OTOGL: variants seen among roughly 807,000 people sequenced by gnomAD.
OTOGL encodes otogelin like, also known as otogelin-like protein.
Under a neutral mutation model 318.5 loss-of-function variants are expected in OTOGL, and 285 were observed. The observed-to-expected ratio is 0.89, with a 90% CI of 0.81 to 0.99. The LOEUF (loss-of-function observed/expected upper bound fraction) is 0.99. OTOGL is among the 50% of genes least tolerant of loss of function. The probability of loss-of-function intolerance (pLI) is 0.00; values close to 1 mark genes in which losing one functional copy is unlikely to be tolerated. For synonymous variants in OTOGL, 987 were observed against 936.5 expected (o/e 1.05, Z -0.99); for missense variants, 2,899 against 2,845.6 (o/e 1.02, Z -0.43).
chr12:80,295,115 C>A (rs368711804), intron 26 of OTOGL, among the ~76,000 whole-genome samples: 110 of 149,440 alleles, frequency 7.4e-4, no homozygotes, highest in Admixed American at 1.3e-3. Flanking sequence ...AACAACAACA[C>A]CACCACCAAA....
chr12:80,175,582 G>C (rs1874474713), intron 1 of OTOGL, among the ~76,000 whole-genome samples: 1 of 152,112 alleles, frequency 6.6e-6, no homozygotes, highest in South Asian at 2.1e-4. Context: ...CTTTTATCTA[G>C]GAAAGCAAAT....
intron 7 of OTOGL, among the ~76,000 whole-genome samples, chr12:80,222,983 C>A (rs975722672): frequency 1.4e-5 from 2 of 147,468 alleles, no homozygotes; most frequent in African/African-American, 2.6e-5. Context: ...AGTCCACTAT[C>A]CCCTGAGCAG....
intron 1 of OTOGL, among the ~76,000 whole-genome samples, chr12:80,162,298 C>A (rs1246720136): frequency 2.0e-5 from 3 of 152,116 alleles, no homozygotes; most frequent in Non-Finnish European, 4.4e-5. Context: ...GAAACAGATG[C>A]ACTTCTCTAA....
intron 29 of OTOGL, among the ~76,000 whole-genome samples, chr12:80,306,742 C>T (rs2137757378): frequency 6.7e-6 from 1 of 149,964 alleles, no homozygotes; most frequent in African/African-American, 2.4e-5. Context: ...ACATTCTTCT[C>T]TCTGCAAATG....
intron 1 of OTOGL, among the ~76,000 whole-genome samples, chr12:80,128,829 C>T (rs568045734): frequency 1.3e-5 from 2 of 152,198 alleles, no homozygotes. Flanking sequence ...AGGCATAGGA[C>T]CCTCTGAGCC....
intron 29 of OTOGL, among the ~76,000 whole-genome samples, chr12:80,307,040 T>G: frequency 6.7e-6 from 1 of 149,314 alleles, no homozygotes; most frequent in Non-Finnish European, 1.5e-5. Flanking sequence ...AAGCATCTGT[T>G]TAACAAAGCA....
At chr12:80,205,598 T>C (rs1876757163) in intron 1 of OTOGL, among the ~76,000 whole-genome samples, 3 of 152,170 alleles carry the variant, frequency 2.0e-5, no homozygotes, top group Non-Finnish European at 2.9e-5. Flanking sequence ...ACAGTTACAT[T>C]CAGAGTGGCA....
At chr12:80,113,327 C>A (rs971432398) in intron 1 of OTOGL, among the ~76,000 whole-genome samples, 16 of 152,046 alleles carry the variant, frequency 1.1e-4, no homozygotes, top group African/African-American at 3.9e-4. Context: ...TTCTTTAGTT[C>A]TTTTAATTAT....
intron 1 of OTOGL, among the ~76,000 whole-genome samples, chr12:80,115,050 T>C (rs1870078654): frequency 6.6e-6 from 1 of 152,028 alleles, no homozygotes; most frequent in Admixed American, 6.5e-5. Flanking sequence ...GGTTAGAACA[T>C]GCAAGCTCAG....
At chr12:80,194,479 T>G (rs1875908441) in intron 1 of OTOGL, among the ~76,000 whole-genome samples, 1 of 152,258 alleles carries the variant, frequency 6.6e-6, no homozygotes, top group East Asian at 1.9e-4. Flanking sequence ...AAGAGTAATA[T>G]AAGACTTATT....
intron 29 of OTOGL, among the ~76,000 whole-genome samples, chr12:80,308,314 C>G (rs997960450): frequency 6.6e-5 from 10 of 151,486 alleles, no homozygotes; most frequent in African/African-American, 2.4e-4. Flanking sequence ...GGCAGAGGGT[C>G]TCCTCACTTC....
rs1239435956 is a variant in OTOGL, at chr12:80,371,926, A to G, written c.6736-93A>G. On this transcript the variant is annotated intron_variant, in intron 56 of 58. Coordinates refer to ENST00000547103, the MANE Select transcript of OTOGL (RefSeq NM_001378609.3). ...TATGAAGGCTTTGTGGTATTTGATA[A>G]AAGTTTTAGAAAAGTTAGTTTTCTT... 4 of 716,572 alleles carry G rather than the reference A, an allele frequency of 5.6e-6. No homozygotes were observed. The South Asian group carries it at 1.2e-4, about 21-fold the overall frequency. The allele number at this position is 716,572 out of a possible 1,614,324, so 44.4% of individuals were successfully genotyped here. A position where few individuals can be genotyped will look rare whatever the true frequency, so the allele number is the denominator to read the frequency against.
chr12:80,261,555 C>T (rs1236879225), intron 18 of OTOGL, among the ~76,000 whole-genome samples: 1 of 152,082 alleles, frequency 6.6e-6, no homozygotes, highest in Non-Finnish European at 1.5e-5. Flanking sequence ...ATACTAACTT[C>T]CCCACATGCA....
intron 26 of OTOGL, among the ~76,000 whole-genome samples, chr12:80,295,808 T>C (rs1463272167): frequency 3.9e-5 from 6 of 152,218 alleles, no homozygotes; most frequent in Non-Finnish European, 5.9e-5. Context: ...TTTCACATTA[T>C]ATACATATAA....
chr12:80,320,796 A>G (rs1887284834), intron 34 of OTOGL, 96 bp downstream of exon 34: 3 of 1,276,546 alleles, frequency 2.4e-6, no homozygotes, highest in South Asian at 1.6e-5. Flanking sequence ...CTTACTGCAT[A>G]TAAGCAGATA....
intron 12 of OTOGL, 74 bp downstream of exon 12, chr12:80,251,873 G>A: frequency 7.5e-7 from 1 of 1,331,908 alleles, no homozygotes; most frequent in Non-Finnish European, 1.0e-6. Flanking sequence ...AAAACTTACT[G>A]TACTACTCAA....
At chr12:80,150,823 A>G (rs757725464) in intron 1 of OTOGL, among the ~76,000 whole-genome samples, 6 of 152,236 alleles carry the variant, frequency 3.9e-5, no homozygotes, top group Non-Finnish European at 8.8e-5. Context: ...GTCTAGAAAA[A>G]GAAAGGCATA....
chr12:80,283,479 CA>C (rs1314910747), intron 26 of OTOGL, among the ~76,000 whole-genome samples: 2 of 151,982 alleles, frequency 1.3e-5, no homozygotes, highest in African/African-American at 2.4e-5. Context: ...GTCATAACAT[CA>C]AAATTAAGCA....
intron 1 of OTOGL, among the ~76,000 whole-genome samples, chr12:80,122,090 T>C (rs986429292): frequency 1.8e-4 from 27 of 151,984 alleles, no homozygotes; most frequent in African/African-American, 6.3e-4. Flanking sequence ...TTAAGAAAAA[T>C]ACCACAAAAA....
Sources: gnomAD v4.1 joint callset for allele counts (sites outside exome capture counted in the v4.1 genomes callset) on GRCh38, gnomAD v4.1.1 for gene constraint, MANE v1.5 for transcripts, NCBI Gene and HGNC (gene_info 2026-07-23, HGNC 2026-07-21) for gene names.